MATN2: variants seen among roughly 807,000 people sequenced by gnomAD.
MATN2 encodes matrilin 2.
In MATN2, 69 loss-of-function variants were observed where a neutral mutation model predicts 103.2. The observed-to-expected ratio is 0.67, with a 90% CI of 0.55 to 0.82. The LOEUF is 0.82. Among genes scored for constraint, MATN2 ranks in the 40% least tolerant of loss-of-function variants. The pLI is 0.00. For synonymous variants in MATN2, 429 were observed against 450.2 expected (o/e 0.95, Z 0.60); for missense variants, 1,023 against 1,211.5 (o/e 0.84, Z 2.31).
At chr8:98,025,540 G>A (rs1194663607) in intron 13 of MATN2, 1 of 263,924 alleles carries the variant, frequency 3.8e-6, no homozygotes, top group African/African-American at 2.3e-5. Context: ...AAGGTCAGGA[G>A]TTCGAAATCA....
intron 1 of MATN2, among the ~76,000 whole-genome samples, chr8:97,874,883 A>G (rs1017452519): frequency 6.6e-6 from 1 of 151,790 alleles, no homozygotes; most frequent in Non-Finnish European, 1.5e-5. Flanking sequence ...ATGCCTGGCT[A>G]ATTTTTCTAT....
At position 97,889,459 on chromosome 8, in the gene MATN2, CTA is replaced by C. The variant is rs56115197; in HGVS notation, c.142+1246_142+1247del. 2.5e-3 allele frequency among the ~76,000 whole-genome samples: 311 copies of C among 123,406 alleles called. 10 individuals are homozygous for C. The highest frequency in any genetic ancestry group is 7.9e-3 in the African/African-American group (273 of 34,724). 81.0% of individuals were successfully genotyped at this position (123,406 alleles called of 152,430 possible). ...AACATCTCTCTCTCTCTCTCTCTGT[CTA>C]TATATATATATATATATATATATAT... On this transcript the variant is annotated intron_variant, in intron 2 of 18. Coordinates refer to ENST00000254898, the MANE Select transcript of MATN2 (RefSeq NM_002380.5).
chr8:97,946,744 G>A (rs1002013947), intron 4 of MATN2, among the ~76,000 whole-genome samples: 3 of 152,080 alleles, frequency 2.0e-5, no homozygotes, highest in Non-Finnish European at 4.4e-5. Context: ...TTCTTATCCA[G>A]CTTAAATTTT....
Position 97,994,443 on chromosome 8 carries a change from T to C in MATN2, c.1082-37T>C, listed in dbSNP as rs370658469. On this transcript the variant is annotated intron_variant, in intron 6 of 18. Coordinates refer to ENST00000254898, the MANE Select transcript of MATN2 (RefSeq NM_002380.5). Reference sequence around the variant, plus strand: ...GGTTTTCCTATGCTAGCTTTATTGATTGGTTTGCCATTCTTGTGATTTTTC... The same window carrying C: ...GGTTTTCCTATGCTAGCTTTATTGACTGGTTTGCCATTCTTGTGATTTTTC... 41 of 1,586,900 alleles carry C rather than the reference T, an allele frequency of 2.6e-5. No individual in the cohort carries two copies. The African/African-American group carries it at 3.8e-4, about 15-fold the overall frequency.
chr8:98,007,343 C>T lies in MATN2; in HGVS notation c.1450+116C>T. On this transcript the variant is annotated intron_variant, in intron 9 of 18. Transcript: ENST00000254898. The surrounding 1 kb of genome is among the most constrained non-coding windows in gnomAD (Gnocchi z 4.2). ...CCCCTCCCCTGCCCCTTGCTCTGCTCCAGGAGATAGTGAGGATGTCCACTG... is the reference window on the plus strand; with the variant it reads ...CCCCTCCCCTGCCCCTTGCTCTGCTTCAGGAGATAGTGAGGATGTCCACTG... The T allele has an allele frequency of 1.3e-6, 2 of 1,557,832 alleles. No homozygotes were observed. Among genetic ancestry groups the T allele is most frequent in the Non-Finnish European group, 1.8e-6 (2 of 1,141,284 alleles).
chr8:97,932,900 T>A (rs1810244813), intron 3 of MATN2, among the ~76,000 whole-genome samples: 1 of 152,234 alleles, frequency 6.6e-6, no homozygotes, highest in Admixed American at 6.5e-5. Context: ...GTAAAATATC[T>A]TCCTAGAGCA....
At chr8:97,900,156 A>G (rs1563654334) in intron 2 of MATN2, among the ~76,000 whole-genome samples, 1 of 152,234 alleles carries the variant, frequency 6.6e-6, no homozygotes, top group East Asian at 1.9e-4. Context: ...AGGCTGATTT[A>G]TAGGGAAAGA....
At chr8:97,895,505 C>A (rs909884041) in intron 2 of MATN2, among the ~76,000 whole-genome samples, 9 of 152,242 alleles carry the variant, frequency 5.9e-5, no homozygotes, top group Non-Finnish European at 1.2e-4. Context: ...CCAGGCAAGA[C>A]CTCCATTGAG....
intron 2 of MATN2, among the ~76,000 whole-genome samples, chr8:97,900,937 C>T (rs757435157): frequency 1.9e-4 from 29 of 151,970 alleles, no homozygotes; most frequent in Non-Finnish European, 1.6e-4. Context: ...TCTGTCCCCG[C>T]CCCCCCAAAA....
intron 6 of MATN2, among the ~76,000 whole-genome samples, chr8:97,990,179 CAAAAA>C (rs34924183): frequency 2.2e-5 from 1 of 45,826 alleles, no homozygotes; most frequent in African/African-American, 8.4e-5. Context: ...AAGACTCTGT[CAAAAA>C]AAAAAAAAAA....
At chr8:97,871,215 A>C (rs1817885567) in intron 1 of MATN2, among the ~76,000 whole-genome samples, 2 of 152,236 alleles carry the variant, frequency 1.3e-5, no homozygotes, top group Non-Finnish European at 2.9e-5. Flanking sequence ...TGCTCTTTGA[A>C]ATAAGAGAGC....
chr8:98,033,632 G>A lies in MATN2; in HGVS notation c.2788G>A (p.Glu930Lys), dbSNP rs762287719. Residue 930 changes from glutamate to lysine, a missense_variant, in exon 18 of 19, where the codon GAA (glutamate) becomes AAA (lysine). Physicochemically the swap from Glu to Lys is moderately conservative, Grantham distance 56. Coordinates refer to ENST00000254898, the MANE Select transcript of MATN2 (RefSeq NM_002380.5). ...NLIMFQNLAN[E>K]EVRKLTQRLE... The stretch of plus-strand genomic sequence containing the variant: ...TATAATGTTCCAGAACCTTGCAAAC[G>A]AAGAAGTAAGAAAATTAACACAGCG... The A allele has an allele frequency of 3.7e-6, 6 of 1,605,152 alleles. No homozygotes were observed. The highest frequency in any genetic ancestry group is 2.2e-5 in the South Asian group (2 of 89,078).
At position 97,902,595 on chromosome 8, in the gene MATN2, G is replaced by A. The variant is rs914905516; in HGVS notation, c.142+14353G>A. On this transcript the variant is annotated intron_variant, in intron 2 of 18. Coordinates refer to ENST00000254898, the MANE Select transcript of MATN2 (RefSeq NM_002380.5). ...TCACAAAGCTCTTAGCAAAAATTCT[G>A]AAGAAACACTGAGACCTGGGGGATG... 7.2e-5 allele frequency among the ~76,000 whole-genome samples: 11 copies of A among 152,224 alleles called. No individual in the cohort carries two copies. The East Asian group carries it at 2.1e-3, about 29-fold the overall frequency.
rs377259855 is a variant in MATN2, at chr8:97,982,946, G to GGGTCACCTGATTTCCACCCAGCTGT, written c.1081+3939_1081+3963dup. On this transcript the variant is annotated intron_variant, in intron 6 of 18. Transcript: ENST00000254898. This position sits in a 1 kb window ranked among gnomAD's most constrained non-coding sequence, Gnocchi z 4.3. ...CTCTCCAGACCACACCCCCTGGCTGGGGTCACCTGATTTCCACCCAGCTGT... is the reference window on the plus strand; with the variant it reads ...CTCTCCAGACCACACCCCCTGGCTGGGGTCACCTGATTTCCACCCAGCTGTGGTCACCTGATTTCCACCCAGCTGT... Among the ~76,000 whole-genome samples, 1,335 of 152,182 alleles carry GGGTCACCTGATTTCCACCCAGCTGT rather than the reference G, an allele frequency of 8.8e-3. 18 individuals carry two copies. Among genetic ancestry groups the GGGTCACCTGATTTCCACCCAGCTGT allele is most frequent in the African/African-American group, 0.03 (1,230 of 41,478 alleles).
At chr8:97,870,194 A>T (rs984814914) in intron 1 of MATN2, among the ~76,000 whole-genome samples, 25 of 152,254 alleles carry the variant, frequency 1.6e-4, no homozygotes, top group Non-Finnish European at 3.2e-4. Context: ...TCTAATGAGG[A>T]TGGTAATACC....
At chr8:97,988,219 C>CATATATATATATAT (rs60086528) in intron 6 of MATN2, among the ~76,000 whole-genome samples, 42 of 124,308 alleles carry the variant, frequency 3.4e-4, no homozygotes, top group Non-Finnish European at 4.6e-4. Flanking sequence ...TACACACATA[C>CATATATATATATAT]ATATATATAT....
At chr8:98,004,245 C>CCATT (rs969963265) in intron 8 of MATN2, 8 of 160,358 alleles carry the variant, frequency 5.0e-5, no homozygotes, top group African/African-American at 1.9e-4. Context: ...TGAGATTGCG[C>CCATT]CATTGCACTC....
chr8:97,873,746 C>T (rs1207089049), intron 1 of MATN2, among the ~76,000 whole-genome samples: 1 of 152,104 alleles, frequency 6.6e-6, no homozygotes, highest in Non-Finnish European at 1.5e-5. Context: ...TGGGCTTTCT[C>T]CCTCCCCTTG....
intron 3 of MATN2, among the ~76,000 whole-genome samples, chr8:97,940,914 T>A (rs946822134): frequency 2.0e-5 from 3 of 152,092 alleles, no homozygotes; most frequent in African/African-American, 7.2e-5. Context: ...ATCCCAGCAC[T>A]TTGGGAGGCC....
Sources: allele counts gnomAD v4.1 joint callset (sites outside exome capture counted in the v4.1 genomes callset), GRCh38; gene constraint gnomAD v4.1.1; non-coding constraint Gnocchi (gnomAD v3.1); transcripts MANE v1.5; gene names NCBI Gene and HGNC (gene_info 2026-07-23, HGNC 2026-07-21).